PARP4: variants seen among roughly 807,000 people sequenced by gnomAD.
PARP4 encodes the protein poly(ADP-ribose) polymerase family member 4, also known as protein mono-ADP-ribosyltransferase PARP4.
Under a neutral mutation model 187.7 loss-of-function variants are expected in PARP4, and 120 were observed. The ratio of observed to expected loss-of-function variants is 0.64; its 90% CI spans 0.55 to 0.74. PARP4 has a LOEUF of 0.74. PARP4 is among the 30% of genes least tolerant of loss of function. PARP4 has a pLI of 0.00. For missense variants in PARP4, 1,836 were observed against 2,070.5 expected, an observed-to-expected ratio of 0.89 and a Z score of 2.20; for synonymous variants, 654 against 740.9, an observed-to-expected ratio of 0.88 and a Z score of 1.90.
Position 24,455,208 on chromosome 13 carries a change from C to CAA in PARP4, c.2565_2566dup (p.Cys856PhefsTer17). On this transcript the variant is annotated frameshift_variant, in exon 22 of 34. Coordinates refer to ENST00000381989, the MANE Select transcript of PARP4 (RefSeq NM_006437.4). LOFTEE classifies it high-confidence loss of function. Reference sequence around the variant, plus strand: ...GAGATCGGGTTGAAAGACAAGCATGCAAGCCTGAAAGGAGAAAGAAGGTGC... The same window carrying CAA: ...GAGATCGGGTTGAAAGACAAGCATGCAAAAGCCTGAAAGGAGAAAGAAGGTGC... The CAA allele has an allele frequency of 6.3e-7, 1 of 1,586,026 alleles. No individual in the cohort carries two copies. Among genetic ancestry groups the CAA allele is most frequent in the Non-Finnish European group, 8.6e-7 (1 of 1,158,438 alleles).
Position 24,498,427 on chromosome 13 carries a change from T to A in PARP4, c.478-198A>T, listed in dbSNP as rs148641921. On this transcript the variant is annotated intron_variant, in intron 5 of 33. Coordinates refer to ENST00000381989, the MANE Select transcript of PARP4 (RefSeq NM_006437.4). ...CGATCACTATTAATATTTTGGTATG[T>A]TTCCCTCCTGTATTTTTACCATCCC... is the stretch of plus-strand genomic sequence containing the variant. Among the ~76,000 whole-genome samples, 22 of 152,346 alleles carry A rather than the reference T, an allele frequency of 1.4e-4. No homozygotes were observed. The East Asian group carries it at 4.2e-3, about 29-fold the overall frequency.
At chr13:24,499,262 T>TG (rs34014909) in intron 5 of PARP4, 39 bp downstream of exon 5, 46 of 281,638 alleles carry the variant, frequency 1.6e-4, no homozygotes, top group African/African-American at 7.9e-4. Flanking sequence ...AACAGGTGTG[T>TG]TTTTTTTTTT....
chr13:24,493,687 A>C lies in PARP4; in HGVS notation c.788T>G (p.Val263Gly). The change falls in exon 8 of 34, where the codon GTG (valine) becomes GGG (glycine). Residue 263 changes from valine to glycine, a missense_variant. Physicochemically the swap from Val to Gly is moderately radical, Grantham distance 109 (BLOSUM62 -3). Coordinates refer to ENST00000381989, the MANE Select transcript of PARP4 (RefSeq NM_006437.4). Reference protein sequence around the residue: ...VMNSSTLSQEVSDLVEMIWAE... With the variant: ...VMNSSTLSQEGSDLVEMIWAE... The stretch of plus-strand genomic sequence containing the variant: ...CCAAATCATCTCTACTAAATCGCTC[A>C]CCTCTTGGCTCAGAGTGCTTGAATT... 2 of 1,613,948 alleles carry C rather than the reference A, an allele frequency of 1.2e-6. No individual in the cohort carries two copies. Among genetic ancestry groups the C allele is most frequent in the Non-Finnish European group, 1.7e-6 (2 of 1,179,942 alleles).
chr13:24,497,359 A>T (rs1828904127), intron 6 of PARP4, among the ~76,000 whole-genome samples: 1 of 152,110 alleles, frequency 6.6e-6, no homozygotes, highest in South Asian at 2.1e-4. Flanking sequence ...CCAGGGTGTG[A>T]AGCTATTTTT....
chr13:24,428,224 C>G (rs1870159090), intron 32 of PARP4, among the ~76,000 whole-genome samples: 2 of 152,180 alleles, frequency 1.3e-5, no homozygotes, highest in East Asian at 3.8e-4. Flanking sequence ...AATCCCATCC[C>G]CTTGCATCTG....
chr13:24,431,516 C>T (rs764685686), intron 31 of PARP4, 40 bp from the exon 32 acceptor site: 2 of 1,262,862 alleles, frequency 1.6e-6, no homozygotes, highest in Non-Finnish European at 2.3e-6. Context: ...ATGTTATTCA[C>T]ATTTTATCAC....
intron 9 of PARP4, among the ~76,000 whole-genome samples, chr13:24,491,030 C>G (rs1336084890): frequency 3.3e-5 from 5 of 152,144 alleles, no homozygotes; most frequent in Admixed American, 6.5e-5. Flanking sequence ...CAGCCTCAAC[C>G]TCCTGAGTTC....
intron 33 of PARP4, among the ~76,000 whole-genome samples, chr13:24,422,039 C>T (rs1367184161): frequency 6.6e-6 from 1 of 152,168 alleles, no homozygotes; most frequent in Non-Finnish European, 1.5e-5. Context: ...TGAAAATTCT[C>T]TCCCTGTTCC....
intron 12 of PARP4, among the ~76,000 whole-genome samples, chr13:24,479,276 C>G (rs1873141854): frequency 2.0e-5 from 3 of 152,154 alleles, no homozygotes; most frequent in Middle Eastern, 3.4e-3. Context: ...AAAATCAGTT[C>G]CCCCATTCCT....
chr13:24,506,718 TC>T (rs1869708437), intron 1 of PARP4, among the ~76,000 whole-genome samples: 2 of 152,222 alleles, frequency 1.3e-5, no homozygotes, highest in Admixed American at 6.5e-5. Flanking sequence ...CATAAAGTTC[TC>T]CAAGTCCCCA....
chr13:24,444,474 T>C (rs1871110565), intron 27 of PARP4, among the ~76,000 whole-genome samples: 2 of 152,156 alleles, frequency 1.3e-5, no homozygotes, highest in Admixed American at 6.5e-5. Context: ...TGCTGAAAAG[T>C]AAGCTGTGCA....
At chr13:24,431,667 G>A (rs1870343787) in intron 31 of PARP4, among the ~76,000 whole-genome samples, 191 bp from the exon 32 acceptor site, 1 of 152,148 alleles carries the variant, frequency 6.6e-6, no homozygotes, top group African/African-American at 2.4e-5. Flanking sequence ...GTGTACCTCT[G>A]CATCTAAAAT....
At chr13:24,430,133 G>C (rs1870259906) in intron 32 of PARP4, among the ~76,000 whole-genome samples, 1 of 152,160 alleles carries the variant, frequency 6.6e-6, no homozygotes, top group Admixed American at 6.5e-5. Context: ...TAGTCAGATA[G>C]AGGCTCTTCT....
intron 24 of PARP4, 34 bp from the exon 25 acceptor site, chr13:24,449,851 C>A (rs1871417828): frequency 7.6e-7 from 1 of 1,318,968 alleles, no homozygotes; most frequent in Non-Finnish European, 1.1e-6. Context: ...ATTTTGAAGA[C>A]ATTAGAAATA....
intron 12 of PARP4, among the ~76,000 whole-genome samples, chr13:24,479,140 G>A (rs570166725): frequency 6.6e-6 from 1 of 152,146 alleles, no homozygotes; most frequent in East Asian, 1.9e-4. Context: ...CTTGCTATTA[G>A]GAGCACAGAC....
Position 24,426,460 on chromosome 13 carries a change from A to C in PARP4, c.4979+6T>G. ...ATAAGTTGCATAATACTATAGTTAA[A>C]GCCACCTGGAAATAGAAGCGTCATC... On this transcript the variant is annotated splice_donor_region_variant and intron_variant, in intron 33 of 33. Transcript: ENST00000381989. 6.2e-7 allele frequency: 1 copy of C among 1,604,668 alleles called. No individual in the cohort carries two copies. The highest frequency in any genetic ancestry group is 8.5e-7 in the Non-Finnish European group (1 of 1,174,682).
rs768760435 is a variant in PARP4, at chr13:24,455,177, G to T, written c.2598C>A (p.Val866=). The T allele has an allele frequency of 1.1e-5, 17 of 1,597,514 alleles. No individual in the cohort carries two copies. In the South Asian group the frequency reaches 1.9e-4, roughly 18 times the overall value. ...TCTCACTGGCTAGGTCAGGGAGGTC[G>T]ACATCGAGATCGGGTTGAAAGACAA... ...CMLVFQPDLD[V]DLPDLASESE... Residue 866 remains valine (V), a synonymous_variant, in exon 22 of 34, where the codon GTC becomes GTA. Transcript: ENST00000381989.
chr13:24,507,397 A>C (rs1869771466), intron 1 of PARP4, among the ~76,000 whole-genome samples: 1 of 152,188 alleles, frequency 6.6e-6, no homozygotes. Context: ...AATTGAGGAC[A>C]CAGTGCCACT....
At position 24,456,494 on chromosome 13, in the gene PARP4, C is replaced by T. The variant is rs183346283; in HGVS notation, c.2425-16G>A. ...AGTCTGTGCGCTGCAAAACAAACAC[C>T]GCGACAACAAGGTGAGTAATGGAGT... On this transcript the variant is annotated splice_polypyrimidine_tract_variant and intron_variant, in intron 20 of 33. Transcript: ENST00000381989. 2,263 of 1,579,306 alleles carry T rather than the reference C, an allele frequency of 1.4e-3. 4 individuals carry two copies. The highest frequency in any genetic ancestry group is 1.8e-3 in the Non-Finnish European group (2,109 of 1,154,232).
Sources: gnomAD v4.1 joint callset for allele counts (sites outside exome capture counted in the v4.1 genomes callset) on GRCh38, gnomAD v4.1.1 for gene constraint, MANE v1.5 for transcripts, NCBI Gene and HGNC (gene_info 2026-07-23, HGNC 2026-07-21) for gene names.